SLC22A23: variants seen among roughly 807,000 people sequenced by gnomAD.
SLC22A23 encodes the protein ion transporter protein.
A neutral mutation model predicts 61.0 loss-of-function variants in SLC22A23; 26 were observed. The observed-to-expected ratio is 0.43, with a 90% CI of 0.31 to 0.59. SLC22A23 has a LOEUF of 0.59. SLC22A23 is among the 20% of genes least tolerant of loss of function. The pLI, the probability that SLC22A23 is intolerant of heterozygous loss-of-function variation, is 0.11. For missense variants in SLC22A23, 796 were observed against 934.7 expected (o/e 0.85, Z 1.94); for synonymous variants, 430 against 413.9 (o/e 1.04, Z -0.47).
At position 3,322,826 on chromosome 6, in the gene SLC22A23, C is replaced by T. The variant is rs551150781; in HGVS notation, c.1082+1008G>A. Among the ~76,000 whole-genome samples, 8 of 152,060 alleles carry T rather than the reference C, an allele frequency of 5.3e-5. No individual in the cohort carries two copies. The highest frequency in any genetic ancestry group is 1.0e-4 in the Non-Finnish European group (7 of 68,008). On this transcript the variant is annotated intron_variant, in intron 4 of 9. Transcript: ENST00000406686. This position sits in a 1 kb window ranked among gnomAD's most constrained non-coding sequence, Gnocchi z 4.1. ...TAAAGCAAGGACAAGACTGACTGCA[C>T]GGCCAGAAATTTGGTTTTCATTGTT...
intron 1 of SLC22A23, among the ~76,000 whole-genome samples, chr6:3,433,793 C>T (rs572943789): frequency 6.6e-6 from 1 of 152,286 alleles, no homozygotes; most frequent in Admixed American, 6.5e-5. Flanking sequence ...CACGGCGGAC[C>T]ACAGGCCTCC....
chr6:3,284,204 A>G (rs936047813), intron 8 of SLC22A23: 5 of 423,172 alleles, frequency 1.2e-5, no homozygotes, highest in Admixed American at 7.4e-5. Context: ...AGCATGCTGA[A>G]GCTCATGGTG....
intron 3 of SLC22A23, among the ~76,000 whole-genome samples, chr6:3,400,355 G>C (rs751492612): frequency 6.6e-6 from 1 of 152,150 alleles, no homozygotes; most frequent in Non-Finnish European, 1.5e-5. Flanking sequence ...AGCTTGCTGC[G>C]AGCCCAGAGA....
intron 3 of SLC22A23, among the ~76,000 whole-genome samples, chr6:3,341,653 A>C (rs562940358): frequency 6.6e-6 from 1 of 152,302 alleles, no homozygotes; most frequent in South Asian, 2.1e-4. Context: ...TTCAGCCAGC[A>C]CTTCTGATTC....
chr6:3,288,237 T>C (rs531039468), intron 6 of SLC22A23, among the ~76,000 whole-genome samples: 4 of 152,318 alleles, frequency 2.6e-5, no homozygotes, highest in Admixed American at 6.5e-5. Flanking sequence ...ATGTCTGCTC[T>C]TGGCAACCAT....
intron 1 of SLC22A23, among the ~76,000 whole-genome samples, chr6:3,426,842 C>T (rs1770525730): frequency 1.3e-5 from 2 of 152,338 alleles, no homozygotes; most frequent in East Asian, 3.9e-4. Context: ...TATAGTAGTT[C>T]TCAGCTGTAG....
At chr6:3,300,515 T>G (rs112324369) in intron 4 of SLC22A23, among the ~76,000 whole-genome samples, 1 of 152,252 alleles carries the variant, frequency 6.6e-6, no homozygotes, top group African/African-American at 2.4e-5. Context: ...GAAGGCTCCA[T>G]CTATGAGCAA....
At chr6:3,408,509 G>A (rs1330184345) in intron 3 of SLC22A23, among the ~76,000 whole-genome samples, 1 of 152,108 alleles carries the variant, frequency 6.6e-6, no homozygotes, top group Non-Finnish European at 1.5e-5. Flanking sequence ...AGTTACACAG[G>A]TAGCCCTTCC....
intron 1 of SLC22A23, among the ~76,000 whole-genome samples, chr6:3,451,477 G>T (rs530267914): frequency 1.3e-5 from 2 of 152,242 alleles, no homozygotes; most frequent in Non-Finnish European, 2.9e-5. Flanking sequence ...GATTACAGGC[G>T]TGAGCCACTG....
intron 4 of SLC22A23, among the ~76,000 whole-genome samples, chr6:3,315,640 C>T (rs1332056357): frequency 6.6e-5 from 10 of 152,062 alleles, no homozygotes; most frequent in Admixed American, 5.9e-4. Context: ...CCGAGGCAGG[C>T]GGATCACTAG....
chr6:3,403,176 C>CT (rs5873881), intron 3 of SLC22A23, among the ~76,000 whole-genome samples: 26 of 147,178 alleles, frequency 1.8e-4, no homozygotes, highest in African/African-American at 5.2e-4. Flanking sequence ...TAATGTTTTG[C>CT]TTTTTTTTTT....
intron 1 of SLC22A23, among the ~76,000 whole-genome samples, chr6:3,437,514 A>G (rs1771294041): frequency 6.6e-6 from 1 of 151,550 alleles, no homozygotes; most frequent in Admixed American, 6.6e-5. Flanking sequence ...CGTCTCTACT[A>G]AAAACAAAAA....
rs946845511 is a variant in SLC22A23, at chr6:3,454,592, C to G, written c.654+1314G>C. Reference sequence around the variant, plus strand: ...AAACCAACAAAGAAATATTGCCCTCCGTGAAGGGAAAACAGTCACAGAAAC... The same window carrying G: ...AAACCAACAAAGAAATATTGCCCTCGGTGAAGGGAAAACAGTCACAGAAAC... On this transcript the variant is annotated intron_variant, in intron 1 of 9. Coordinates refer to ENST00000406686, the MANE Select transcript of SLC22A23 (RefSeq NM_015482.2). The surrounding 1 kb of genome is among the most constrained non-coding windows in gnomAD (Gnocchi z 4.3). Among the ~76,000 whole-genome samples, 2 of 152,136 alleles carry G rather than the reference C, an allele frequency of 1.3e-5. No homozygotes were observed. Among genetic ancestry groups the G allele is most frequent in the Non-Finnish European group, 2.9e-5 (2 of 68,022 alleles).
In SLC22A23 at chr6:3,456,068, G is replaced by T. The variant is rs970507641; in HGVS notation, c.492C>A (p.Pro164=). Residue 164 remains proline, a synonymous_variant, in exon 1 of 10, where the codon CCC becomes CCA. Transcript: ENST00000406686. The surrounding 1 kb of genome is among the most constrained non-coding windows in gnomAD (Gnocchi z 7.1). ...TGCTCCGGTTGCCCGCAGCCTCCCA[G>T]GGGGCAGTGGCGAAGGGGGTGGTGG... is the stretch of plus-strand genomic sequence containing the variant. ...SLPTTPFATA[P]WEAAGNRSNS... is the part of the protein sequence containing the mutation. 4 of 1,549,466 alleles carry T rather than the reference G, an allele frequency of 2.6e-6. No homozygotes were observed. The highest frequency in any genetic ancestry group is 3.9e-5 in the Admixed American group (2 of 50,976).
chr6:3,420,276 T>C (rs1164890496), intron 1 of SLC22A23, among the ~76,000 whole-genome samples: 1 of 149,896 alleles, frequency 6.7e-6, no homozygotes, highest in East Asian at 1.9e-4. Flanking sequence ...AGAGAACCTA[T>C]ATAGTTTAAG....
In SLC22A23 at chr6:3,309,975, T is replaced by G. The variant is rs1169556854; in HGVS notation, c.1083-11757A>C. On this transcript the variant is annotated intron_variant, in intron 4 of 9. Coordinates refer to ENST00000406686, the MANE Select transcript of SLC22A23 (RefSeq NM_015482.2). The surrounding 1 kb of genome is among the most constrained non-coding windows in gnomAD (Gnocchi z 4.7). ...GAGTTTTCCTACATCACACCATGAT[T>G]GCAGTATTGCTTCTACAGCAGGAAA... 7.9e-5 allele frequency among the ~76,000 whole-genome samples: 12 copies of G among 152,214 alleles called. No individual in the cohort carries two copies. The highest frequency in any genetic ancestry group is 7.9e-4 in the Admixed American group (12 of 15,286).
At chr6:3,306,589 A>G (rs1025464814) in intron 4 of SLC22A23, among the ~76,000 whole-genome samples, 1 of 152,172 alleles carries the variant, frequency 6.6e-6, no homozygotes, top group African/African-American at 2.4e-5. Flanking sequence ...CTGACTGGAG[A>G]GACTGTCAGG....
chr6:3,338,040 C>T (rs533710400), intron 3 of SLC22A23, among the ~76,000 whole-genome samples: 2 of 152,162 alleles, frequency 1.3e-5, no homozygotes, highest in Non-Finnish European at 2.9e-5. Context: ...CCACTGGGGA[C>T]ACTACCGACT....
chr6:3,432,552 A>T (rs1770936945), intron 1 of SLC22A23, among the ~76,000 whole-genome samples: 1 of 152,190 alleles, frequency 6.6e-6, no homozygotes, highest in Non-Finnish European at 1.5e-5. Flanking sequence ...TGCATCATTT[A>T]TGCAGAACAT....
Sources: gnomAD v4.1 joint callset for allele counts (sites outside exome capture counted in the v4.1 genomes callset) on GRCh38, gnomAD v4.1.1 for gene constraint, Gnocchi (gnomAD v3.1) non-coding constraint, MANE v1.5 for transcripts, NCBI Gene and HGNC (gene_info 2026-07-23, HGNC 2026-07-21) for gene names.